Variants in SCGN observed in about 807,000 individuals in gnomAD.
SCGN encodes the protein secretagogin.
In SCGN, 30 loss-of-function variants were observed where a neutral mutation model predicts 39.7. The ratio of observed to expected loss-of-function variants is 0.76; its 90% CI spans 0.57 to 1.03. The LOEUF (loss-of-function observed/expected upper bound fraction) is 1.03. SCGN is among the 50% of genes least tolerant of loss of function. SCGN has a pLI of 0.00. For synonymous variants in SCGN, 106 were observed against 114.1 expected, an observed-to-expected ratio of 0.93 and a Z score of 0.45; for missense variants, 353 against 349.4, an observed-to-expected ratio of 1.01 and a Z score of -0.08.
At chr6:25,664,772 A>G (rs902967500) in intron 3 of SCGN, among the ~76,000 whole-genome samples, 171 bp from the exon 4 acceptor site, 4 of 152,160 alleles carry the variant, frequency 2.6e-5, no homozygotes, top group Non-Finnish European at 1.5e-5. Flanking sequence ...GAAAGAATCA[A>G]TGAATCAAAG....
chr6:25,687,700 G>C (rs1759723145), intron 7 of SCGN, among the ~76,000 whole-genome samples: 1 of 152,044 alleles, frequency 6.6e-6, no homozygotes, highest in African/African-American at 2.4e-5. Flanking sequence ...TATTTAACGT[G>C]ATTACTGAGA....
chr6:25,681,919 C>A lies in SCGN; in HGVS notation c.472-32C>A, dbSNP rs1380387346. On this transcript the variant is annotated intron_variant, in intron 6 of 10. Transcript: ENST00000377961. ...TAACGTTCAGAATTAGTTCCTGTTA[C>A]AAGTACAACCATTTTCCCTTCTGCA... 14 of 1,573,476 alleles carry A rather than the reference C, an allele frequency of 8.9e-6. No individual in the cohort carries two copies. In the East Asian group the frequency reaches 8.9e-5, roughly 10 times the overall value.
intron 6 of SCGN, among the ~76,000 whole-genome samples, chr6:25,673,311 C>A (rs970785559): frequency 1.3e-5 from 2 of 152,166 alleles, no homozygotes; most frequent in African/African-American, 2.4e-5. Flanking sequence ...TCCCCTCCCC[C>A]TTAAACCAGA....
At chr6:25,687,032 A>G (rs1759714155) in intron 7 of SCGN, among the ~76,000 whole-genome samples, 1 of 152,130 alleles carries the variant, frequency 6.6e-6, no homozygotes, top group Non-Finnish European at 1.5e-5. Flanking sequence ...TCTCAATTCT[A>G]TTCCATTTAT....
At chr6:25,694,789 T>C (rs1321532202) in intron 10 of SCGN, among the ~76,000 whole-genome samples, 3 of 152,256 alleles carry the variant, frequency 2.0e-5, no homozygotes, top group African/African-American at 4.8e-5. Flanking sequence ...ATAATTTGTA[T>C]GCTGTAGTCA....
chr6:25,662,784 G>T (rs1374346861), intron 3 of SCGN, among the ~76,000 whole-genome samples: 1 of 152,160 alleles, frequency 6.6e-6, no homozygotes, highest in East Asian at 1.9e-4. Flanking sequence ...TCATTATACT[G>T]GATGTAAAAG....
intron 10 of SCGN, among the ~76,000 whole-genome samples, chr6:25,699,401 C>T (rs979038457): frequency 3.3e-5 from 5 of 151,674 alleles, no homozygotes; most frequent in Non-Finnish European, 2.9e-5. Flanking sequence ...TCAGCCTGGC[C>T]AACATGGTGA....
intron 6 of SCGN, 34 bp downstream of exon 6, chr6:25,670,110 A>G: frequency 6.9e-7 from 1 of 1,453,656 alleles, no homozygotes; most frequent in Non-Finnish European, 9.7e-7. Context: ...CCATGAGGGC[A>G]GCTCCCCCAC....
chr6:25,683,360 A>G (rs573967369), intron 7 of SCGN, among the ~76,000 whole-genome samples: 20 of 151,826 alleles, frequency 1.3e-4, no homozygotes, highest in African/African-American at 3.9e-4. Context: ...TTGCAATCTC[A>G]TGGTTCCCTT....
At chr6:25,660,511 T>A (rs1436235855) in intron 2 of SCGN, among the ~76,000 whole-genome samples, 1 of 152,164 alleles carries the variant, frequency 6.6e-6, no homozygotes, top group Non-Finnish European at 1.5e-5. Context: ...GCTAAAGTGT[T>A]TTAGGACATC....
chr6:25,653,892 A>G (rs1760178764), intron 2 of SCGN, among the ~76,000 whole-genome samples: 1 of 152,200 alleles, frequency 6.6e-6, no homozygotes, highest in African/African-American at 2.4e-5. Flanking sequence ...TCATTTATCC[A>G]TTATTCATTT....
Position 25,655,325 on chromosome 6 carries a change from T to C in SCGN, c.153+1873T>C, listed in dbSNP as rs376225575. 2.6e-5 allele frequency among the ~76,000 whole-genome samples: 4 copies of C among 152,332 alleles called. No individual in the cohort carries two copies. The East Asian group carries it at 7.7e-4, about 29-fold the overall frequency. ...AGCTGGAGTATCTAATATTCATTCA[T>C]CGAGTTGGGGTCTGCACTAAGATGA... On this transcript the variant is annotated intron_variant, in intron 2 of 10. Transcript: ENST00000377961.
intron 7 of SCGN, among the ~76,000 whole-genome samples, chr6:25,684,051 A>G (rs4712955): frequency 0.6 from 90,561 of 152,000 alleles, 27,830 homozygotes; most frequent in African/African-American, 0.75. Context: ...TAATATCCCT[A>G]GCCCTATGTA....
At chr6:25,672,340 T>G (rs976901909) in intron 6 of SCGN, among the ~76,000 whole-genome samples, 5 of 152,210 alleles carry the variant, frequency 3.3e-5, no homozygotes, top group African/African-American at 1.2e-4. Flanking sequence ...TAAATGTAAT[T>G]AATAATGCAT....
intron 6 of SCGN, among the ~76,000 whole-genome samples, chr6:25,677,955 C>T (rs895784306): frequency 6.6e-6 from 1 of 152,156 alleles, no homozygotes; most frequent in South Asian, 2.1e-4. Flanking sequence ...AGTGATTTTG[C>T]ATTTTACAAT....
chr6:25,662,950 G>A (rs1347242812), intron 3 of SCGN, among the ~76,000 whole-genome samples: 4 of 152,126 alleles, frequency 2.6e-5, no homozygotes, highest in African/African-American at 7.2e-5. Context: ...CCTAATTAAC[G>A]AATGAGAAAA....
chr6:25,684,507 G>A (rs79197890), intron 7 of SCGN, among the ~76,000 whole-genome samples: 3,061 of 152,200 alleles, frequency 0.02, 94 homozygotes, highest in African/African-American at 0.061. Flanking sequence ...AGATGTCCAC[G>A]TCTTAGGCTG....
intron 9 of SCGN, among the ~76,000 whole-genome samples, chr6:25,689,900 T>C (rs1269339194): frequency 6.6e-6 from 1 of 152,128 alleles, no homozygotes; most frequent in African/African-American, 2.4e-5. Flanking sequence ...TACCTATTTA[T>C]CATAAAAACT....
intron 10 of SCGN, among the ~76,000 whole-genome samples, chr6:25,697,133 T>C (rs897150828): frequency 2.0e-5 from 3 of 152,180 alleles, no homozygotes; most frequent in African/African-American, 7.2e-5. Flanking sequence ...AAAGTGATCC[T>C]AAAGGAACAC....
Sources: gnomAD v4.1 joint callset for allele counts (sites outside exome capture counted in the v4.1 genomes callset) on GRCh38, gnomAD v4.1.1 for gene constraint, MANE v1.5 for transcripts, NCBI Gene and HGNC (gene_info 2026-07-23, HGNC 2026-07-21) for gene names.